KMT2E: variants seen among roughly 807,000 people sequenced by gnomAD.
The protein encoded by KMT2E is histone reader KMT2E.
Under a neutral mutation model 184.6 loss-of-function variants are expected in KMT2E, and 30 were observed. The ratio of observed to expected loss-of-function variants is 0.16; its 90% CI spans 0.12 to 0.22. KMT2E has a LOEUF of 0.22. Ranked by LOEUF, KMT2E falls within the 10% of genes least tolerant of loss-of-function variation. KMT2E has a pLI of 1.00. For missense variants in KMT2E, 2,023 were observed against 2,237.4 expected (o/e 0.90, Z 1.93); for synonymous variants, 815 against 776.5 (o/e 1.05, Z -0.82).
chr7:105,097,820 G>A (rs955012073), intron 15 of KMT2E, among the ~76,000 whole-genome samples: 5 of 152,172 alleles, frequency 3.3e-5, no homozygotes, highest in Middle Eastern at 3.2e-3. Context: ...AACGTGATAC[G>A]TGCTTGACAT....
intron 1 of KMT2E, among the ~76,000 whole-genome samples, chr7:105,035,479 T>C (rs1343248316): frequency 1.4e-5 from 2 of 146,110 alleles, no homozygotes; most frequent in Admixed American, 1.4e-4. Context: ...AAGATCGGCT[T>C]TTTTTTTTTT....
Position 105,102,210 on chromosome 7 carries a change from A to G in KMT2E, c.2196+16A>G. ...AACAAAGAAGGTATGATTCTAATGA[A>G]TGTAAGAACTGTTTTTCTAACAGTT... is the stretch of plus-strand genomic sequence containing the variant. On this transcript the variant is annotated intron_variant, in intron 17 of 26. Transcript: ENST00000311117. 1.3e-6 allele frequency: 2 copies of G among 1,554,718 alleles called. No homozygotes were observed. The highest frequency in any genetic ancestry group is 1.7e-6 in the Non-Finnish European group (2 of 1,160,642).
chr7:105,084,991 G>T (rs1797904223), intron 13 of KMT2E, among the ~76,000 whole-genome samples: 1 of 151,890 alleles, frequency 6.6e-6, no homozygotes. Context: ...GGTAATAAAT[G>T]ATAGAATAGA....
chr7:105,060,807 T>C (rs188388668), intron 3 of KMT2E, among the ~76,000 whole-genome samples: 5 of 152,298 alleles, frequency 3.3e-5, no homozygotes. Context: ...ATTCAGTGCA[T>C]TGTGTTACCT....
chr7:105,039,899 T>C (rs1795807921), intron 2 of KMT2E, among the ~76,000 whole-genome samples: 1 of 152,140 alleles, frequency 6.6e-6, no homozygotes, highest in Non-Finnish European at 1.5e-5. Flanking sequence ...TGAGTAGATA[T>C]TTTATAAACA....
intron 12 of KMT2E, among the ~76,000 whole-genome samples, chr7:105,080,518 C>T (rs944421053): frequency 2.0e-5 from 3 of 151,852 alleles, no homozygotes; most frequent in Non-Finnish European, 4.4e-5. Flanking sequence ...TATAGGCATG[C>T]GCTGCTGCAC....
rs1799498014 is a variant in KMT2E, at chr7:105,114,315, C to T, written c.*982C>T. The T allele has an allele frequency of 6.6e-6, 1 of 152,118 alleles. No homozygotes were observed. The highest frequency in any genetic ancestry group is 1.5e-5 in the Non-Finnish European group (1 of 68,022). 9.4% of individuals were successfully genotyped at this position (152,118 alleles called of 1,614,324 possible). Reference sequence around the variant, plus strand: ...GGTAAATTAAGGATCTGGCATCATACAAAATGAAGCCAGACCACTAATGCA... The same window carrying T: ...GGTAAATTAAGGATCTGGCATCATATAAAATGAAGCCAGACCACTAATGCA... On this transcript the variant is annotated 3_prime_UTR_variant, in exon 27 of 27. Transcript: ENST00000311117.
At chr7:105,082,285 G>A (rs1797786518) in intron 13 of KMT2E, among the ~76,000 whole-genome samples, 1 of 152,102 alleles carries the variant, frequency 6.6e-6, no homozygotes, top group Non-Finnish European at 1.5e-5. Flanking sequence ...ATAAATCTCA[G>A]TACAGTTGGC....
chr7:105,106,106 G>A lies in KMT2E; in HGVS notation c.2596+103G>A, dbSNP rs996630283. ...AGTTACTGGTATGCACTTTAGAAGA[G>A]AAGCACATTGGTGTATAGATTTTCT... On this transcript the variant is annotated intron_variant, in intron 19 of 26. Transcript: ENST00000311117. The A allele has an allele frequency of 7.8e-6, 9 of 1,152,214 alleles. No individual in the cohort carries two copies. The Middle Eastern group carries it at 6.6e-4, about 84-fold the overall frequency. The allele number at this position is 1,152,214 out of a possible 1,614,324, so 71.4% of individuals were successfully genotyped here. A position where few individuals can be genotyped will look rare whatever the true frequency, so the allele number is the denominator to read the frequency against.
chr7:105,105,735 T>C, intron 18 of KMT2E, 42 bp downstream of exon 18: 1 of 1,578,436 alleles, frequency 6.3e-7, no homozygotes. Flanking sequence ...ATGAGCCAAA[T>C]GCCAACTCAT....
At chr7:105,025,465 T>G (rs1345172316) in intron 1 of KMT2E, among the ~76,000 whole-genome samples, 1 of 152,154 alleles carries the variant, frequency 6.6e-6, no homozygotes, top group Admixed American at 6.5e-5. Context: ...TGATCACTAT[T>G]TATAGTTTAT....
Position 105,112,634 on chromosome 7 carries a change from C to A in KMT2E, c.4878C>A (p.Val1626=), listed in dbSNP as rs1350338994. 6 of 1,613,628 alleles carry A rather than the reference C, an allele frequency of 3.7e-6. No homozygotes were observed. The Admixed American group carries it at 8.3e-5, about 22-fold the overall frequency. ...ACCATCAAACTGCTGCTGCCGTAGTCCCCCCTCCTCCTCCACCACCACCTG... is the reference window on the plus strand; with the variant it reads ...ACCATCAAACTGCTGCTGCCGTAGTACCCCCTCCTCCTCCACCACCACCTG... ...TIHHQTAAAV[V]PPPPPPPPAP... Residue 1626 remains valine, a synonymous_variant, in exon 27 of 27, where the codon GTC becomes GTA. Coordinates refer to ENST00000311117, the MANE Select transcript of KMT2E (RefSeq NM_182931.3).
chr7:105,106,217 G>C (rs561541571), intron 19 of KMT2E, among the ~76,000 whole-genome samples: 17 of 152,246 alleles, frequency 1.1e-4, no homozygotes, highest in African/African-American at 4.1e-4. Flanking sequence ...AAAGGCTTCT[G>C]GACTGGCTGC....
chr7:105,071,976 G>T (rs1380074067), intron 6 of KMT2E, among the ~76,000 whole-genome samples: 1 of 151,938 alleles, frequency 6.6e-6, no homozygotes, highest in African/African-American at 2.4e-5. Context: ...TTTTGATGGG[G>T]TAAATATCTG....
rs75480238 is a variant in KMT2E, at chr7:105,108,317, A to G, written c.3468+392A>G. 7.0e-3 allele frequency among the ~76,000 whole-genome samples: 1,071 copies of G among 152,298 alleles called. 9 individuals are homozygous for G. The highest frequency in any genetic ancestry group is 0.017 in the Middle Eastern group (5 of 294). On this transcript the variant is annotated intron_variant, in intron 22 of 26. Coordinates refer to ENST00000311117, the MANE Select transcript of KMT2E (RefSeq NM_182931.3). ...AAATGCCTCTTTCCTCATCTATAAT[A>G]TCTATAGTATTTAGGCCATGGATGT...
At chr7:105,096,663 C>CA (rs1386582642) in intron 15 of KMT2E, among the ~76,000 whole-genome samples, 1 of 151,894 alleles carries the variant, frequency 6.6e-6, no homozygotes, top group East Asian at 1.9e-4. Flanking sequence ...AAATGGTGGG[C>CA]AAAAAAGTAG....
intron 6 of KMT2E, among the ~76,000 whole-genome samples, chr7:105,068,429 G>A (rs1328759570): frequency 6.6e-6 from 1 of 151,690 alleles, no homozygotes; most frequent in Non-Finnish European, 1.5e-5. Flanking sequence ...TTACTTATCA[G>A]CTGGAATATT....
At chr7:105,089,161 C>G in intron 13 of KMT2E, 1 of 338,562 alleles carries the variant, frequency 3.0e-6, no homozygotes. Flanking sequence ...ACATGTTGAG[C>G]ATCCCTCATG....
At chr7:105,044,314 G>C (rs763374943) in intron 3 of KMT2E, among the ~76,000 whole-genome samples, 1 of 152,064 alleles carries the variant, frequency 6.6e-6, no homozygotes, top group Non-Finnish European at 1.5e-5. Context: ...ATAGTACTCT[G>C]GTAAATTTCA....
Sources: allele counts gnomAD v4.1 joint callset (sites outside exome capture counted in the v4.1 genomes callset), GRCh38; gene constraint gnomAD v4.1.1; transcripts MANE v1.5; gene names NCBI Gene and HGNC (gene_info 2026-07-23, HGNC 2026-07-21).